NTNG1: variants seen among roughly 807,000 people sequenced by gnomAD.
NTNG1 encodes the protein netrin G1.
Under a neutral mutation model 54.0 loss-of-function variants are expected in NTNG1, and 16 were observed. The observed-to-expected ratio is 0.30, with a 90% confidence interval of 0.20 to 0.45. The LOEUF (loss-of-function observed/expected upper bound fraction) is 0.45, where lower values mean the gene tolerates loss of function less well. Among genes scored for constraint, NTNG1 ranks in the 20% least tolerant of loss-of-function variants. NTNG1 has a pLI of 1.00. For synonymous variants in NTNG1, 255 were observed against 263.1 expected (o/e 0.97, Z 0.30); for missense variants, 530 against 678.7 (o/e 0.78, Z 2.43).
At chr1:107,408,036 C>T (rs559077029) in intron 5 of NTNG1, 4 of 452,154 alleles carry the variant, frequency 8.8e-6, no homozygotes, top group Non-Finnish European at 1.7e-5. Flanking sequence ...CCATACTTAG[C>T]AACCAACAAA....
At chr1:107,178,839 A>G (rs1041189356) in intron 2 of NTNG1, among the ~76,000 whole-genome samples, 6 of 152,186 alleles carry the variant, frequency 3.9e-5, no homozygotes, top group African/African-American at 1.2e-4. Context: ...GTGGCTTGCA[A>G]CATGTTAGCT....
chr1:107,249,743 A>T (rs961722917), intron 2 of NTNG1, among the ~76,000 whole-genome samples: 6 of 152,194 alleles, frequency 3.9e-5, no homozygotes, highest in African/African-American at 1.2e-4. Context: ...ACATCGTTTG[A>T]CTCAGAGTTT....
chr1:107,233,530 C>T (rs183401144), intron 2 of NTNG1, among the ~76,000 whole-genome samples: 12 of 152,228 alleles, frequency 7.9e-5, no homozygotes, highest in Non-Finnish European at 8.8e-5. Context: ...TGATAAATTA[C>T]GTCTTTTATT....
At chr1:107,333,356 C>T (rs922411508) in intron 3 of NTNG1, among the ~76,000 whole-genome samples, 13 of 151,888 alleles carry the variant, frequency 8.6e-5, no homozygotes, top group Non-Finnish European at 1.6e-4. Flanking sequence ...TACTGTTTCT[C>T]AGGATGTACT....
intron 2 of NTNG1, among the ~76,000 whole-genome samples, chr1:107,271,403 G>T (rs902354976): frequency 6.6e-6 from 1 of 152,012 alleles, no homozygotes; most frequent in African/African-American, 2.4e-5. Context: ...TATTACTATT[G>T]TTTGTAACCT....
chr1:107,439,999 C>T (rs1294604443), intron 7 of NTNG1, among the ~76,000 whole-genome samples: 1 of 151,852 alleles, frequency 6.6e-6, no homozygotes, highest in Non-Finnish European at 1.5e-5. Flanking sequence ...CTGAGTGGAA[C>T]CCATCCTTGG....
chr1:107,467,668 A>AC (rs1677695040), intron 7 of NTNG1, among the ~76,000 whole-genome samples: 1 of 152,206 alleles, frequency 6.6e-6, no homozygotes, highest in South Asian at 2.1e-4. Context: ...GTGTCTCAGG[A>AC]ATTTGTAAGT....
intron 5 of NTNG1, among the ~76,000 whole-genome samples, chr1:107,423,150 G>C (rs1343401237): frequency 6.6e-6 from 1 of 151,936 alleles, no homozygotes; most frequent in African/African-American, 2.4e-5. Flanking sequence ...GCTCTTAACT[G>C]TCTAGGTACT....
chr1:107,314,934 G>A (rs1161430542), intron 2 of NTNG1, among the ~76,000 whole-genome samples: 6 of 152,182 alleles, frequency 3.9e-5, no homozygotes, highest in Non-Finnish European at 8.8e-5. Context: ...ATGAAGAAAT[G>A]AGCAAAACAT....
chr1:107,239,658 G>A (rs1661686789), intron 2 of NTNG1, among the ~76,000 whole-genome samples: 1 of 152,144 alleles, frequency 6.6e-6, no homozygotes, highest in South Asian at 2.1e-4. Context: ...ACTGGTATAG[G>A]CCACTGGAGC....
intron 4 of NTNG1, 90 bp downstream of exon 4, chr1:107,395,416 C>A: frequency 1.7e-6 from 2 of 1,182,614 alleles, no homozygotes; most frequent in Non-Finnish European, 2.5e-6. Context: ...TTTTATTCCT[C>A]TTACCAGTTG....
rs1221245334 is a variant in NTNG1 at position 107,148,913 on chromosome 1, T to TTTC, written c.246+74_246+75insTTC. 16 of 1,424,050 alleles carry TTTC rather than the reference T, an allele frequency of 1.1e-5. No homozygotes were observed. The African/African-American group carries it at 2.3e-4, about 20-fold the overall frequency. The allele number at this position is 1,424,050 out of a possible 1,614,324, so 88.2% of individuals were successfully genotyped here. ...CGCATATGCATACAGATGTGGTGAG[T>TTTC]GTGAAGACAATTCATGCAATAAGTT... On this transcript the variant is annotated intron_variant, in intron 2 of 7. Transcript: ENST00000370068.
At chr1:107,183,575 A>G (rs943753861) in intron 2 of NTNG1, among the ~76,000 whole-genome samples, 1 of 152,122 alleles carries the variant, frequency 6.6e-6, no homozygotes, top group African/African-American at 2.4e-5. Flanking sequence ...ATTTGGTTGT[A>G]TTAGTTTTGG....
chr1:107,165,453 C>T (rs961790104), intron 2 of NTNG1, among the ~76,000 whole-genome samples: 38 of 152,120 alleles, frequency 2.5e-4, no homozygotes, highest in Non-Finnish European at 5.3e-4. Context: ...AATTAAAGAG[C>T]AAGTTTTCTT....
At chr1:107,144,796 C>T (rs146741118) in intron 1 of NTNG1, among the ~76,000 whole-genome samples, 142 of 151,996 alleles carry the variant, frequency 9.3e-4, no homozygotes, top group East Asian at 7.9e-3. Context: ...ATTTATACAC[C>T]GGAGGTCTAT....
chr1:107,455,447 C>T (rs753448491), intron 7 of NTNG1, among the ~76,000 whole-genome samples: 8 of 152,326 alleles, frequency 5.3e-5, no homozygotes, highest in Non-Finnish European at 8.8e-5. Context: ...TCAAGTGAAC[C>T]TGAGGGTTGG....
intron 2 of NTNG1, among the ~76,000 whole-genome samples, chr1:107,222,711 T>C (rs1279485803): frequency 6.6e-6 from 1 of 151,928 alleles, no homozygotes; most frequent in African/African-American, 2.4e-5. Flanking sequence ...CAATAGAACT[T>C]AGCAGTTTAC....
At chr1:107,274,753 G>A (rs891758554) in intron 2 of NTNG1, among the ~76,000 whole-genome samples, 5 of 152,204 alleles carry the variant, frequency 3.3e-5, no homozygotes, top group African/African-American at 1.2e-4. Flanking sequence ...GGTTTTAGAT[G>A]TGTTGGCTGA....
intron 7 of NTNG1, among the ~76,000 whole-genome samples, chr1:107,448,286 G>T (rs1019058400): frequency 6.6e-5 from 10 of 152,050 alleles, no homozygotes; most frequent in Non-Finnish European, 1.5e-5. Flanking sequence ...TTAATTATAT[G>T]CTTGTCATGT....
Sources: allele counts gnomAD v4.1 joint callset (sites outside exome capture counted in the v4.1 genomes callset), GRCh38; gene constraint gnomAD v4.1.1; transcripts MANE v1.5; gene names NCBI Gene and HGNC (gene_info 2026-07-23, HGNC 2026-07-21).